SYCP3: variants seen among roughly 807,000 people sequenced by gnomAD.
The protein encoded by SYCP3 is synaptonemal complex protein 3.
In SYCP3, 29 loss-of-function variants were observed where a neutral mutation model predicts 38.5. The ratio of observed to expected loss-of-function variants is 0.75; its 90% CI spans 0.56 to 1.03. The LOEUF (loss-of-function observed/expected upper bound fraction) is 1.03. Ranked by LOEUF, SYCP3 falls within the 50% of genes least tolerant of loss-of-function variation. The pLI is 0.00. For synonymous variants in SYCP3, 79 were observed against 80.3 expected, an observed-to-expected ratio of 0.98 and a Z score of 0.08; for missense variants, 242 against 270.7, an observed-to-expected ratio of 0.89 and a Z score of 0.74.
At chr12:101,731,509 T>C in intron 7 of SYCP3, 59 bp downstream of exon 7, 1 of 1,172,662 alleles carries the variant, frequency 8.5e-7, no homozygotes, top group Non-Finnish European at 1.2e-6. Context: ...AATTATCTTC[T>C]ACTTCCATAA....
chr12:101,737,830 T>C lies in SYCP3; in HGVS notation c.106A>G (p.Ser36Gly), dbSNP rs1438653975. 2.5e-6 allele frequency: 4 copies of C among 1,614,106 alleles called. No individual in the cohort carries two copies. The highest frequency in any genetic ancestry group is 3.4e-6 in the Non-Finnish European group (4 of 1,180,056). ...DFETEDKKDL[S>G]GSEEDVIEGK... ...TCAATAACATCTTCCTCTGATCCAC[T>C]CAGATCTTTCTTATCTTCAGTCTCA... Residue 36 changes from serine to glycine, a missense_variant, in exon 2 of 9, where the codon AGT becomes GGT. Ser to Gly is a moderately conservative substitution (Grantham distance 56). Coordinates refer to ENST00000392924, the MANE Select transcript of SYCP3 (RefSeq NM_001177949.2).
In SYCP3 at chr12:101,737,312, T is replaced by TAA. The variant is rs11306325; in HGVS notation, c.134-16_134-15dup. 191 of 1,411,444 alleles carry TAA rather than the reference T, an allele frequency of 1.4e-4. No individual in the cohort carries two copies. Among genetic ancestry groups the TAA allele is most frequent in the Non-Finnish European group, 1.6e-4 (166 of 1,042,994 alleles). 87.4% of individuals were successfully genotyped at this position (1,411,444 alleles called of 1,614,324 possible). A position where few individuals can be genotyped will look rare whatever the true frequency, so the allele number is the denominator to read the frequency against. On this transcript the variant is annotated splice_polypyrimidine_tract_variant and intron_variant, in intron 2 of 8. Coordinates refer to ENST00000392924, the MANE Select transcript of SYCP3 (RefSeq NM_001177949.2). ...CTGCAGTCTTCCCTGTATTGACAATTAAAAAAAAAAAAAAAAAGCTTTTGA... is the reference window on the plus strand; with the variant it reads ...CTGCAGTCTTCCCTGTATTGACAATTAAAAAAAAAAAAAAAAAAAGCTTTTGA...
chr12:101,730,326 G>A (rs1952130067), intron 7 of SYCP3, among the ~76,000 whole-genome samples: 1 of 152,084 alleles, frequency 6.6e-6, no homozygotes, highest in Non-Finnish European at 1.5e-5. Flanking sequence ...TTATACTATA[G>A]TTCCTATCCT....
At chr12:101,735,757 T>A (rs1396181833) in intron 4 of SYCP3, among the ~76,000 whole-genome samples, 2 of 149,610 alleles carry the variant, frequency 1.3e-5, no homozygotes, top group African/African-American at 4.9e-5. Flanking sequence ...TTGTTAGAAC[T>A]CATTATAGAA....
rs769593951 is a variant in SYCP3, at chr12:101,739,462, T to G, written c.-129A>C. ...GGTGGCCCCTTCTCCGCGACGCTTC[T>G]GAGGCAAGCTGGGATTCGCACAGGA... On this transcript the variant is annotated 5_prime_UTR_variant, in exon 1 of 9. Transcript: ENST00000392924. 3 of 1,002,564 alleles carry G rather than the reference T, an allele frequency of 3.0e-6. No individual in the cohort carries two copies. Among genetic ancestry groups the G allele is most frequent in the Non-Finnish European group, 3.6e-6 (3 of 830,288 alleles). 62.1% of individuals were successfully genotyped at this position (1,002,564 alleles called of 1,614,324 possible). A position where few individuals can be genotyped will look rare whatever the true frequency, so the allele number is the denominator to read the frequency against.
At chr12:101,735,871 A>ATTTTTTTTTTTT (rs201568592) in intron 4 of SYCP3, among the ~76,000 whole-genome samples, 13 of 74,678 alleles carry the variant, frequency 1.7e-4, no homozygotes, top group South Asian at 1.3e-3. Context: ...ATATATATAT[A>ATTTTTTTTTTTT]TTTTTTTTTT....
chr12:101,733,502 G>T, intron 6 of SYCP3, 73 bp downstream of exon 6: 2 of 1,354,248 alleles, frequency 1.5e-6, no homozygotes, highest in Non-Finnish European at 2.1e-6. Context: ...AGTTCCACTG[G>T]TCACAATAAA....
At chr12:101,735,871 ATT>A (rs201568592) in intron 4 of SYCP3, among the ~76,000 whole-genome samples, 2 of 74,762 alleles carry the variant, frequency 2.7e-5, no homozygotes, top group Admixed American at 1.3e-4. Flanking sequence ...ATATATATAT[ATT>A]TTTTTTTTTT....
chr12:101,735,244 C>G (rs1324108118), intron 4 of SYCP3, among the ~76,000 whole-genome samples, 200 bp from the exon 5 acceptor site: 1 of 151,752 alleles, frequency 6.6e-6, no homozygotes, highest in Admixed American at 6.6e-5. Context: ...CTACTAGCAC[C>G]CAAATTCTGA....
Position 101,737,312 on chromosome 12 carries a change from T to TAAAAAA in SYCP3, c.134-20_134-15dup. On this transcript the variant is annotated splice_polypyrimidine_tract_variant and intron_variant, in intron 2 of 8. Transcript: ENST00000392924. ...CTGCAGTCTTCCCTGTATTGACAATTAAAAAAAAAAAAAAAAAGCTTTTGA... is the reference window on the plus strand; with the variant it reads ...CTGCAGTCTTCCCTGTATTGACAATTAAAAAAAAAAAAAAAAAAAAAAAGCTTTTGA... 7.1e-7 allele frequency: 1 copy of TAAAAAA among 1,411,484 alleles called. No homozygotes were observed. Among genetic ancestry groups the TAAAAAA allele is most frequent in the South Asian group, 1.3e-5 (1 of 78,168 alleles). The allele number at this position is 1,411,484 out of a possible 1,614,324, so 87.4% of individuals were successfully genotyped here. A position where few individuals can be genotyped will look rare whatever the true frequency, so the allele number is the denominator to read the frequency against.
Position 101,739,400 on chromosome 12 carries a change from G to A in SYCP3, c.-67C>T. ...GACCAGTTACTGGTCGTCGACAGGC[G>A]TCCTCCACAACTCCTCCACAAGCGC... On this transcript the variant is annotated 5_prime_UTR_variant, in exon 1 of 9. It adds an upstream start codon to the 5' untranslated region. Coordinates refer to ENST00000392924, the MANE Select transcript of SYCP3 (RefSeq NM_001177949.2). 3 of 1,002,702 alleles carry A rather than the reference G, an allele frequency of 3.0e-6. No homozygotes were observed. The highest frequency in any genetic ancestry group is 2.4e-6 in the Non-Finnish European group (2 of 830,340). The allele number at this position is 1,002,702 out of a possible 1,614,324, so 62.1% of individuals were successfully genotyped here.
At chr12:101,729,954 G>A (rs941153559) in intron 7 of SYCP3, among the ~76,000 whole-genome samples, 1 of 152,070 alleles carries the variant, frequency 6.6e-6, no homozygotes, top group Non-Finnish European at 1.5e-5. Flanking sequence ...TACATAGTGA[G>A]CTGAGAGAAA....
chr12:101,736,708 ATGTGTGTGTGTGTG>A (rs34377603), intron 4 of SYCP3, among the ~76,000 whole-genome samples: 7 of 149,134 alleles, frequency 4.7e-5, no homozygotes, highest in Admixed American at 4.0e-4. Flanking sequence ...ATGTATGTAT[ATGTGTGTGTGTGTG>A]TGTGTGTGTG....
At chr12:101,733,846 AT>A (rs528797711) in intron 5 of SYCP3, among the ~76,000 whole-genome samples, 172 bp from the exon 6 acceptor site, 6 of 152,018 alleles carry the variant, frequency 3.9e-5, no homozygotes, top group Non-Finnish European at 7.4e-5. Flanking sequence ...TTCCAGAAGT[AT>A]TTTTTTTCTA....
chr12:101,733,948 T>C (rs1370154633), intron 5 of SYCP3, among the ~76,000 whole-genome samples: 1 of 152,170 alleles, frequency 6.6e-6, no homozygotes, highest in Non-Finnish European at 1.5e-5. Context: ...AAAAAGAAAT[T>C]CATCTGATCT....
chr12:101,737,542 A>G (rs554927405), intron 2 of SYCP3: 16 of 643,468 alleles, frequency 2.5e-5, no homozygotes, highest in Non-Finnish European at 4.0e-5. Context: ...GCCACATACT[A>G]TATATCAGAT....
chr12:101,738,836 G>A (rs1952585338), intron 1 of SYCP3, among the ~76,000 whole-genome samples: 1 of 152,220 alleles, frequency 6.6e-6, no homozygotes, highest in Non-Finnish European at 1.5e-5. Context: ...CAAATTTTGG[G>A]GCCGCCTCTG....
intron 7 of SYCP3, 144 bp from the exon 8 acceptor site, chr12:101,729,357 T>G: frequency 1.2e-6 from 1 of 813,736 alleles, no homozygotes; most frequent in Non-Finnish European, 1.9e-6. Flanking sequence ...AAGTAATACA[T>G]GAATACCAAA....
At chr12:101,733,707 T>G (rs1332048350) in intron 5 of SYCP3, 33 bp from the exon 6 acceptor site, 1 of 1,575,852 alleles carries the variant, frequency 6.3e-7, no homozygotes, top group Admixed American at 1.7e-5. Context: ...ATTGTCATAT[T>G]TCATACCAAT....
Sources: gnomAD v4.1 joint callset for allele counts (sites outside exome capture counted in the v4.1 genomes callset) on GRCh38, gnomAD v4.1.1 for gene constraint, MANE v1.5 for transcripts, NCBI Gene and HGNC (gene_info 2026-07-23, HGNC 2026-07-21) for gene names.